The following HMCN2 variants were observed in gnomAD, a reference collection of about 807,000 sequenced individuals.
HMCN2 encodes the protein hemicentin 2.
HMCN2 carries 325 observed loss-of-function variants against 377.5 expected under a neutral mutation model. The ratio of observed to expected loss-of-function variants is 0.86; its 90% CI spans 0.79 to 0.94. HMCN2 has a LOEUF of 0.94. Among genes scored for constraint, HMCN2 ranks in the 40% least tolerant of loss-of-function variants. The pLI is 0.00. For synonymous variants in HMCN2, 2,007 were observed against 2,046.8 expected (o/e 0.98, Z 0.53); for missense variants, 4,543 against 4,725.3 (o/e 0.96, Z 1.13).
At position 130,383,620 on chromosome 9, in the gene HMCN2, C is replaced by T; in HGVS notation, c.8830+20C>T. ...TTCAAGGTGAGCTGGGCTGAGCAGGCAGCCCCTGTGGGTTCCTTTTCCCTT... is the reference window on the plus strand; with the variant it reads ...TTCAAGGTGAGCTGGGCTGAGCAGGTAGCCCCTGTGGGTTCCTTTTCCCTT... On this transcript the variant is annotated intron_variant, in intron 57 of 97. Transcript: ENST00000683500. 1 of 981,096 alleles carries T rather than the reference C, an allele frequency of 1.0e-6. No homozygotes were observed. The highest frequency in any genetic ancestry group is 1.2e-6 in the Non-Finnish European group (1 of 825,590). 60.8% of individuals were successfully genotyped at this position (981,096 alleles called of 1,614,324 possible).
chr9:130,336,966 G>C (rs1034669395), intron 22 of HMCN2, among the ~76,000 whole-genome samples: 9 of 152,110 alleles, frequency 5.9e-5, no homozygotes, highest in Non-Finnish European at 1.0e-4. Context: ...CAGGCATCCC[G>C]GGCCTGCTGG....
intron 80 of HMCN2, 89 bp from the exon 81 acceptor site, chr9:130,404,780 G>A (rs1843009595): frequency 6.3e-6 from 6 of 956,714 alleles, no homozygotes; most frequent in Non-Finnish European, 8.2e-6. Context: ...AGGGAGGGCT[G>A]AAGGGCTGGG....
chr9:130,268,739 C>G (rs1466556105), intron 1 of HMCN2, among the ~76,000 whole-genome samples: 1 of 148,620 alleles, frequency 6.7e-6, no homozygotes. Context: ...TGGGTAAGGA[C>G]CGGGGGATGG....
At position 130,409,732 on chromosome 9, in the gene HMCN2, A is replaced by G. The variant is rs1194618287; in HGVS notation, c.12879+799A>G. Among the ~76,000 whole-genome samples the G allele has an allele frequency of 2.6e-5, 4 of 152,210 alleles. No homozygotes were observed. The South Asian group carries it at 6.2e-4, about 24-fold the overall frequency. ...ACAGAAGGGGTAACTGAGGCTCCAG[A>G]GGCATGAAAATGTCCTAAGTAATGG... On this transcript the variant is annotated intron_variant, in intron 84 of 97. Transcript: ENST00000683500.
chr9:130,322,941 G>A (rs1368138569), intron 19 of HMCN2, among the ~76,000 whole-genome samples: 8 of 152,168 alleles, frequency 5.3e-5, no homozygotes, highest in Admixed American at 1.3e-4. Context: ...TGGGAAGAAC[G>A]CGCGTTCCCC....
intron 1 of HMCN2, among the ~76,000 whole-genome samples, chr9:130,282,844 GA>G (rs1192632414): frequency 1.3e-5 from 2 of 152,202 alleles, no homozygotes; most frequent in African/African-American, 4.8e-5. Context: ...GCTGAGGTGG[GA>G]GCATCACTTG....
intron 92 of HMCN2, among the ~76,000 whole-genome samples, chr9:130,427,986 G>T (rs142159137): frequency 6.6e-6 from 1 of 152,310 alleles, no homozygotes; most frequent in Admixed American, 6.5e-5. Flanking sequence ...CAGCAATGTT[G>T]CTGGATGACA....
At chr9:130,406,198 G>C in intron 82 of HMCN2, 30 bp downstream of exon 82, 1 of 1,287,766 alleles carries the variant, frequency 7.8e-7, no homozygotes, top group Non-Finnish European at 1.0e-6. Context: ...GGGTGGGACA[G>C]AGAGCCAGGA....
In HMCN2 at chr9:130,376,571, G is replaced by A; in HGVS notation, c.7974G>A (p.Val2658=). Residue 2658 remains valine (V), a synonymous_variant, in exon 52 of 98, where the codon GTG becomes GTA. Coordinates refer to ENST00000683500, the MANE Select transcript of HMCN2 (RefSeq NM_001291815.2). ...TGGCGGAGGTCGGCGTGAAGGAGGT[G>A]AAGACCAAGGTCAACAGCACCTTGA... ...DPLAEVGVKE[V]KTKVNSTLTL... is the part of the protein sequence containing the mutation. 2.0e-6 allele frequency: 2 copies of A among 985,846 alleles called. No individual in the cohort carries two copies. Among genetic ancestry groups the A allele is most frequent in the African/African-American group, 1.7e-5 (1 of 57,340 alleles). The allele number at this position is 985,846 out of a possible 1,614,324, so 61.1% of individuals were successfully genotyped here. A position where few individuals can be genotyped will look rare whatever the true frequency, so the allele number is the denominator to read the frequency against.
intron 43 of HMCN2, among the ~76,000 whole-genome samples, chr9:130,366,701 C>T (rs11243688): frequency 0.34 from 51,007 of 151,740 alleles, 9,569 homozygotes; most frequent in Non-Finnish European, 0.41. Flanking sequence ...TGATCTGCCA[C>T]CTCAGCCTCC....
At chr9:130,365,024 T>G in intron 41 of HMCN2, 135 bp downstream of exon 41, 13 of 401,100 alleles carry the variant, frequency 3.2e-5, no homozygotes, top group Non-Finnish European at 4.1e-5. Flanking sequence ...CCAGGACTGG[T>G]TCCTCGGGGC....
chr9:130,298,908 G>T (rs1836317196), intron 7 of HMCN2, 117 bp from the exon 8 acceptor site: 3 of 371,496 alleles, frequency 8.1e-6, no homozygotes, highest in South Asian at 6.0e-5. Flanking sequence ...GGAGGGACCA[G>T]GTAGGAAGGG....
chr9:130,433,590 C>G lies in HMCN2; in HGVS notation c.15137C>G (p.Ala5046Gly). 1 of 1,509,420 alleles carries G rather than the reference C, an allele frequency of 6.6e-7. No homozygotes were observed. Among genetic ancestry groups the G allele is most frequent in the South Asian group, 1.3e-5 (1 of 79,706 alleles). The allele number at this position is 1,509,420 out of a possible 1,614,324, so 93.5% of individuals were successfully genotyped here. A position where few individuals can be genotyped will look rare whatever the true frequency, so the allele number is the denominator to read the frequency against. The change falls in exon 98 of 98, where the codon GCG (alanine) becomes GGG (glycine). Residue 5046 changes from alanine (A) to glycine (G), a missense_variant. Around this residue, in one of 5 missense-constraint regions of HMCN2, gnomAD observed 1,155 missense variants for 1,157.7 expected, o/e 1.00. Transcript: ENST00000683500. The stretch of plus-strand genomic sequence containing the variant: ...CTTGGCGCGGTCTACACCCGTCGCG[C>G]GCTCACCCGCGCCGGCCTCTACCGG... ...AGLGAVYTRR[A>G]LTRAGLYRLT... is the part of the protein sequence containing the mutation.
At chr9:130,401,905 G>T (rs1278608566) in intron 77 of HMCN2, among the ~76,000 whole-genome samples, 1 of 151,816 alleles carries the variant, frequency 6.6e-6, no homozygotes, top group African/African-American at 2.4e-5. Context: ...AAGACCCCAT[G>T]TCTACAAACA....
In HMCN2 at chr9:130,394,702, G is replaced by A. The variant is rs925995678; in HGVS notation, c.10692+127G>A. On this transcript the variant is annotated intron_variant, in intron 69 of 97. Transcript: ENST00000683500. This position sits in a 1 kb window ranked among gnomAD's most constrained non-coding sequence, Gnocchi z 5.1. ...GCACCTCCTCTGTGTGGGGTGTGAGGGTGTGGAGGTGACCCACCTTGGCCG... is the reference window on the plus strand; with the variant it reads ...GCACCTCCTCTGTGTGGGGTGTGAGAGTGTGGAGGTGACCCACCTTGGCCG... The A allele has an allele frequency of 2.6e-6, 2 of 757,296 alleles. No individual in the cohort carries two copies. The highest frequency in any genetic ancestry group is 3.7e-6 in the Non-Finnish European group (2 of 544,050). The allele number at this position is 757,296 out of a possible 1,614,324, so 46.9% of individuals were successfully genotyped here.
chr9:130,299,201 C>T lies in HMCN2; in HGVS notation c.1189C>T (p.Arg397Cys), dbSNP rs1158585222. Residue 397 changes from arginine (R) to cysteine (C), a missense_variant, in exon 8 of 98, where the codon CGC (arginine) becomes TGC (cysteine). Arg to Cys is a radical substitution (Grantham distance 180, BLOSUM62 -3). Coordinates refer to ENST00000683500, the MANE Select transcript of HMCN2 (RefSeq NM_001291815.2). ...GGPPFHTPKE[R>C]FYLKVKGKDH... ...GCCGCCCTTCCACACCCCCAAGGAGCGCTTCTACCTCAAGGTGAAGGGCAA... is the reference window on the plus strand; with the variant it reads ...GCCGCCCTTCCACACCCCCAAGGAGTGCTTCTACCTCAAGGTGAAGGGCAA... The T allele has an allele frequency of 5.7e-5, 27 of 471,048 alleles. No homozygotes were observed. In the East Asian group the frequency reaches 8.3e-4, roughly 15 times the overall value. 29.2% of individuals were successfully genotyped at this position (471,048 alleles called of 1,614,324 possible).
intron 17 of HMCN2, 27 bp from the exon 18 acceptor site, chr9:130,320,749 G>A (rs980863215): frequency 3.9e-5 from 6 of 152,256 alleles, no homozygotes; most frequent in Non-Finnish European, 2.9e-5. Context: ...CACCTATTGT[G>A]GCTGACACCG....
rs1406494567 is a variant in HMCN2 at position 130,307,482 on chromosome 9, G to A, written c.2116G>A (p.Val706Met). The A allele has an allele frequency of 1.5e-5, 7 of 471,068 alleles. No homozygotes were observed. Among genetic ancestry groups the A allele is most frequent in the African/African-American group, 8.0e-5 (4 of 50,080 alleles). 29.2% of individuals were successfully genotyped at this position (471,068 alleles called of 1,614,324 possible). The change falls in exon 14 of 98, where the codon GTG becomes ATG. Residue 706 changes from valine (V) to methionine (M), a missense_variant. By Grantham distance (21) the Val-to-Met change is conservative (BLOSUM62 1). This residue lies in a region of HMCN2 where 547 missense variants were observed against 189.9 expected (regional missense o/e 2.88). Coordinates refer to ENST00000683500, the MANE Select transcript of HMCN2 (RefSeq NM_001291815.2). ...ACCGTCGGTCTCTGCTGTAAATGCC[G>A]TGGTGCTGGTGGCCGTTGGGGAGGA... ...DPPSVSAVNA[V>M]VLVAVGEEAV... is the part of the protein sequence containing the mutation.
chr9:130,428,286 G>A lies in HMCN2; in HGVS notation c.14066-72G>A, dbSNP rs929064415. On this transcript the variant is annotated intron_variant, in intron 92 of 97. Coordinates refer to ENST00000683500, the MANE Select transcript of HMCN2 (RefSeq NM_001291815.2). The surrounding 1 kb of genome is among the most constrained non-coding windows in gnomAD (Gnocchi z 5.0). ...CGGACGAAGCCTCTGTGGATAGGCCGGGCCAGGGTCAGGTGGCGAGGCACG... is the reference window on the plus strand; with the variant it reads ...CGGACGAAGCCTCTGTGGATAGGCCAGGCCAGGGTCAGGTGGCGAGGCACG... The A allele has an allele frequency of 1.6e-5, 23 of 1,453,262 alleles. No homozygotes were observed. The highest frequency in any genetic ancestry group is 4.4e-5 in the Admixed American group (2 of 45,300). 90.0% of individuals were successfully genotyped at this position (1,453,262 alleles called of 1,614,324 possible).
Sources: gnomAD v4.1 joint callset for allele counts (sites outside exome capture counted in the v4.1 genomes callset) on GRCh38, gnomAD v4.1.1 for gene constraint, gnomAD v4.1.1 regional missense constraint, Gnocchi (gnomAD v3.1) non-coding constraint, MANE v1.5 for transcripts, NCBI Gene and HGNC (gene_info 2026-07-23, HGNC 2026-07-21) for gene names.